LYZL4: variants seen among roughly 807,000 people sequenced by gnomAD.
LYZL4 encodes the protein lysozyme-like protein 4.
Under a neutral mutation model 17.6 loss-of-function variants are expected in LYZL4, and 13 were observed. The ratio of observed to expected loss-of-function variants is 0.74; its 90% CI spans 0.48 to 1.18. The LOEUF is 1.18. Ranked by LOEUF, LYZL4 falls within the 50% of genes most tolerant of loss-of-function variation. The probability of loss-of-function intolerance (pLI) is 0.00; values close to 1 mark genes in which losing one functional copy is unlikely to be tolerated. For missense variants in LYZL4, 174 were observed against 188.2 expected, an observed-to-expected ratio of 0.92 and a Z score of 0.44; for synonymous variants, 64 against 67.7, an observed-to-expected ratio of 0.95 and a Z score of 0.27.
At chr3:42,372,756 C>G in the LYZL4 span, among the ~76,000 whole-genome samples, 6 of 152,206 alleles carry the variant, frequency 3.9e-5, no homozygotes, top group African/African-American at 1.4e-4. Flanking sequence ...CCTGAGAAAG[C>G]CTGCTTTGGG....
chr3:42,380,824 C>T, the LYZL4 span, among the ~76,000 whole-genome samples: 1 of 152,236 alleles, frequency 6.6e-6, no homozygotes, highest in Non-Finnish European at 1.5e-5. Flanking sequence ...CCTTGCTCCA[C>T]CAATGTGGGG....
chr3:42,380,182 A>G, the LYZL4 span, among the ~76,000 whole-genome samples: 763 of 152,314 alleles, frequency 5.0e-3, 4 homozygotes, highest in African/African-American at 0.017. Context: ...AAGACAGATC[A>G]GTTGTCCATC....
chr3:42,365,393 C>T, the LYZL4 span, among the ~76,000 whole-genome samples: 80 of 152,278 alleles, frequency 5.3e-4, no homozygotes, highest in Middle Eastern at 3.4e-3. Context: ...GTTTATTTCA[C>T]GCTCTCTCAT....
At chr3:42,374,847 G>A in the LYZL4 span, among the ~76,000 whole-genome samples, 2 of 151,994 alleles carry the variant, frequency 1.3e-5, no homozygotes, top group African/African-American at 2.4e-5. Flanking sequence ...TTTTGAGACA[G>A]GGTCTCACTC....
Position 42,401,083 on chromosome 3 carries a change from T to C in LYZL4, c.371+2963A>G, listed in dbSNP as rs574675586. Among the ~76,000 whole-genome samples, 16 of 152,276 alleles carry C rather than the reference T, an allele frequency of 1.1e-4. No individual in the cohort carries two copies. The East Asian group carries it at 3.1e-3, about 29-fold the overall frequency. Reference sequence around the variant, plus strand: ...AGACAAGAAAAAGCCACACAACCTGTCCATTTAGCAAATACTGAATATGGG... The same window carrying C: ...AGACAAGAAAAAGCCACACAACCTGCCCATTTAGCAAATACTGAATATGGG... On this transcript the variant is annotated intron_variant, in intron 4 of 4. Transcript: ENST00000287748.
chr3:42,378,509 C>T, the LYZL4 span, among the ~76,000 whole-genome samples: 2 of 152,200 alleles, frequency 1.3e-5, no homozygotes, highest in East Asian at 3.8e-4. Flanking sequence ...TTTTGCTGGT[C>T]TGTCCCCAAG....
At chr3:42,361,426 G>T in the LYZL4 span, among the ~76,000 whole-genome samples, 2 of 152,282 alleles carry the variant, frequency 1.3e-5, no homozygotes, top group East Asian at 3.9e-4. Context: ...AAGGACAGAA[G>T]AGAGGTGAAA....
At chr3:42,404,213 A>G in intron 3 of LYZL4, 89 bp from the exon 4 acceptor site, 2 of 744,110 alleles carry the variant, frequency 2.7e-6, no homozygotes, top group Admixed American at 5.1e-5. Context: ...TACTCACATC[A>G]GAGAGTCTTC....
the LYZL4 span, among the ~76,000 whole-genome samples, chr3:42,377,625 C>CTCTCTGTG: frequency 2.8e-5 from 4 of 143,790 alleles, no homozygotes; most frequent in South Asian, 6.8e-4. Flanking sequence ...GCATGACTCT[C>CTCTCTGTG]TGTGTGTGTG....
chr3:42,409,812 C>T (rs1464595240), intron 1 of LYZL4, among the ~76,000 whole-genome samples: 5 of 152,226 alleles, frequency 3.3e-5, no homozygotes, highest in African/African-American at 1.2e-4. Context: ...AATAAGGTCC[C>T]AACTCCTCAA....
chr3:42,382,328 G>C, the LYZL4 span, among the ~76,000 whole-genome samples: 1 of 152,212 alleles, frequency 6.6e-6, no homozygotes, highest in African/African-American at 2.4e-5. Flanking sequence ...GTTTCTGTGT[G>C]TGTGTGCGTG....
At chr3:42,387,973 G>T in the LYZL4 span, among the ~76,000 whole-genome samples, 1 of 152,088 alleles carries the variant, frequency 6.6e-6, no homozygotes, top group Non-Finnish European at 1.5e-5. Context: ...CAGGCTCCAA[G>T]GTAGCAACAA....
At chr3:42,367,492 A>C in the LYZL4 span, among the ~76,000 whole-genome samples, 1 of 152,228 alleles carries the variant, frequency 6.6e-6, no homozygotes, top group Non-Finnish European at 1.5e-5. Context: ...TCCAAGGCCT[A>C]TCAAGACTGG....
At chr3:42,393,802 G>T (rs193279185), downstream of LYZL4, among the ~76,000 whole-genome samples, 3 of 152,064 alleles carry the variant, frequency 2.0e-5, no homozygotes, top group East Asian at 5.8e-4. Context: ...ATTTTTGTTT[G>T]TTTTTTTGAG....
downstream of LYZL4, among the ~76,000 whole-genome samples, chr3:42,394,807 C>T (rs111465102): frequency 5.4e-3 from 820 of 152,240 alleles, 8 homozygotes; most frequent in African/African-American, 0.019. Flanking sequence ...GATGGTGAGC[C>T]GCAGCAGAAG....
At chr3:42,393,506 C>T (rs1458258627), downstream of LYZL4, among the ~76,000 whole-genome samples, 3 of 152,194 alleles carry the variant, frequency 2.0e-5, no homozygotes, top group Non-Finnish European at 4.4e-5. Context: ...CACTGTGTAG[C>T]TAGCGCAGCC....
rs1577149997 is a variant in LYZL4, at chr3:42,397,194, A to G, written c.*71T>C. On this transcript the variant is annotated 3_prime_UTR_variant, in exon 5 of 5. Transcript: ENST00000287748. ...GTGAGATCATCAAAAGGATTGACTG[A>G]AGCAGCAAGCAGAAAAGCACCTTCA... is the stretch of plus-strand genomic sequence containing the variant. The G allele has an allele frequency of 9.6e-7, 1 of 1,044,612 alleles. No homozygotes were observed. The highest frequency in any genetic ancestry group is 1.6e-5 in the African/African-American group (1 of 62,796). The allele number at this position is 1,044,612 out of a possible 1,614,324, so 64.7% of individuals were successfully genotyped here.
In LYZL4 at chr3:42,407,103, G is replaced by A. The variant is rs1698769595; in HGVS notation, c.139+10C>T. 3 of 1,613,964 alleles carry A rather than the reference G, an allele frequency of 1.9e-6. No individual in the cohort carries two copies. Among genetic ancestry groups the A allele is most frequent in the East Asian group, 2.2e-5 (1 of 44,892 alleles). On this transcript the variant is annotated intron_variant, in intron 2 of 4. Transcript: ENST00000287748. Reference sequence around the variant, plus strand: ...GTGAGAGGAGGGAGCACTAAGTGGGGCCTACTCACAGTTCTCAAGGCTATA... The same window carrying A: ...GTGAGAGGAGGGAGCACTAAGTGGGACCTACTCACAGTTCTCAAGGCTATA...
At chr3:42,404,400 C>T (rs1698713125) in intron 3 of LYZL4, among the ~76,000 whole-genome samples, 1 of 152,210 alleles carries the variant, frequency 6.6e-6, no homozygotes, top group African/African-American at 2.4e-5. Context: ...TGCCCAGGAT[C>T]ATGATCTGTT....
Sources: allele counts gnomAD v4.1 joint callset (sites outside exome capture counted in the v4.1 genomes callset), GRCh38; gene constraint gnomAD v4.1.1; transcripts MANE v1.5; gene names NCBI Gene and HGNC (gene_info 2026-07-23, HGNC 2026-07-21).